Variants in FBXW11 observed in about 807,000 individuals in gnomAD.
The protein encoded by FBXW11 is F-box and WD repeat domain containing 11.
Under a neutral mutation model 77.6 loss-of-function variants are expected in FBXW11, and 19 were observed. The ratio of observed to expected loss-of-function variants is 0.24; its 90% CI spans 0.17 to 0.36. The LOEUF (loss-of-function observed/expected upper bound fraction) is 0.36, where lower values mean the gene tolerates loss of function less well. FBXW11 is among the 10% of genes least tolerant of loss of function. The pLI, the probability that FBXW11 is intolerant of heterozygous loss-of-function variation, is 1.00. For synonymous variants in FBXW11, 235 were observed against 249.4 expected, an observed-to-expected ratio of 0.94 and a Z score of 0.54; for missense variants, 334 against 704.2, an observed-to-expected ratio of 0.47 and a Z score of 5.95.
At chr5:172,000,361 G>A (rs1451067470) in intron 1 of FBXW11, among the ~76,000 whole-genome samples, 1 of 152,148 alleles carries the variant, frequency 6.6e-6, no homozygotes, top group Non-Finnish European at 1.5e-5. Context: ...AGGATACCAG[G>A]CATAAAAATA....
intron 2 of FBXW11, among the ~76,000 whole-genome samples, chr5:171,920,533 C>T (rs1317710905): frequency 2.0e-5 from 3 of 151,840 alleles, no homozygotes; most frequent in African/African-American, 7.3e-5. Context: ...TGAGACCATC[C>T]TGCACAACAC....
chr5:171,976,028 A>G (rs565945618), intron 1 of FBXW11, among the ~76,000 whole-genome samples: 10 of 152,246 alleles, frequency 6.6e-5, no homozygotes, highest in African/African-American at 2.4e-4. Flanking sequence ...CAACCTATTA[A>G]TCACTAAAAC....
chr5:171,953,300 A>C (rs1013720029), intron 2 of FBXW11, among the ~76,000 whole-genome samples: 13 of 152,190 alleles, frequency 8.5e-5, no homozygotes, highest in African/African-American at 3.1e-4. Flanking sequence ...TCAGCCAAAA[A>C]TGTAGGTTTT....
At position 171,961,949 on chromosome 5, in the gene FBXW11, A is replaced by G. The variant is rs544869338; in HGVS notation, c.46-4251T>C. Reference sequence around the variant, plus strand: ...GGCATGAGCCATGGCTCCTGGCCGTAAGTGATTCTTGAAGCTTCAAATTTT... The same window carrying G: ...GGCATGAGCCATGGCTCCTGGCCGTGAGTGATTCTTGAAGCTTCAAATTTT... On this transcript the variant is annotated intron_variant, in intron 1 of 13. Transcript: ENST00000517395. Among the ~76,000 whole-genome samples the G allele has an allele frequency of 2.0e-4, 30 of 152,204 alleles. No homozygotes were observed. The South Asian group carries it at 5.8e-3, about 29-fold the overall frequency.
intron 6 of FBXW11, among the ~76,000 whole-genome samples, chr5:171,897,645 AG>A (rs1163894210): frequency 6.6e-6 from 1 of 152,188 alleles, no homozygotes; most frequent in African/African-American, 2.4e-5. Flanking sequence ...GAGTTCTTCA[AG>A]GTTCCTGTTT....
At chr5:171,892,345 G>A (rs1196199932) in intron 6 of FBXW11, among the ~76,000 whole-genome samples, 1 of 152,108 alleles carries the variant, frequency 6.6e-6, no homozygotes, top group Non-Finnish European at 1.5e-5. Flanking sequence ...AAGGAAGGAA[G>A]TACTTATTAT....
intron 1 of FBXW11, among the ~76,000 whole-genome samples, chr5:171,964,018 G>A (rs1581036996): frequency 6.6e-6 from 1 of 152,184 alleles, no homozygotes; most frequent in East Asian, 1.9e-4. Context: ...TGATGAGACA[G>A]CTATTAAACT....
intron 1 of FBXW11, among the ~76,000 whole-genome samples, chr5:171,973,210 C>G (rs1764630697): frequency 6.6e-6 from 1 of 151,876 alleles, no homozygotes; most frequent in Non-Finnish European, 1.5e-5. Flanking sequence ...CAAAGAGGAA[C>G]AAAATATGTA....
chr5:171,931,798 TTC>T (rs888011475), intron 2 of FBXW11, among the ~76,000 whole-genome samples: 28 of 104,114 alleles, frequency 2.7e-4, no homozygotes, highest in East Asian at 2.2e-3. Flanking sequence ...CAGAAACAAT[TTC>T]TCTCTCTCTC....
intron 3 of FBXW11, among the ~76,000 whole-genome samples, chr5:171,914,037 T>C (rs889696909): frequency 3.9e-5 from 6 of 152,352 alleles, no homozygotes; most frequent in South Asian, 2.1e-4. Context: ...GTGTGTGGCA[T>C]GGTGCCATTC....
chr5:171,966,217 T>C (rs1440774563), intron 1 of FBXW11, among the ~76,000 whole-genome samples: 1 of 152,226 alleles, frequency 6.6e-6, no homozygotes, highest in African/African-American at 2.4e-5. Flanking sequence ...GGAATTAATT[T>C]TGAGTCCATC....
At chr5:171,929,230 G>GT (rs1250473193) in intron 2 of FBXW11, among the ~76,000 whole-genome samples, 1 of 152,012 alleles carries the variant, frequency 6.6e-6, no homozygotes, top group East Asian at 1.9e-4. Context: ...AAATGAGCCA[G>GT]TGTGGTGGCA....
At chr5:171,923,264 T>C (rs1405637948) in intron 2 of FBXW11, among the ~76,000 whole-genome samples, 1 of 152,216 alleles carries the variant, frequency 6.6e-6, no homozygotes, top group African/African-American at 2.4e-5. Context: ...CTTACTGATT[T>C]CTAGAAATTC....
At chr5:171,935,263 G>A (rs575854323) in intron 2 of FBXW11, among the ~76,000 whole-genome samples, 16 of 152,156 alleles carry the variant, frequency 1.1e-4, no homozygotes, top group Non-Finnish European at 1.6e-4. Flanking sequence ...AGCCGGTAGC[G>A]TGTTTCTTTT....
chr5:172,000,312 T>TC (rs1369196701), intron 1 of FBXW11, among the ~76,000 whole-genome samples: 2 of 152,162 alleles, frequency 1.3e-5, no homozygotes, highest in African/African-American at 4.8e-5. Context: ...ATCCCAATGC[T>TC]CAATGTCAAT....
At chr5:171,878,619 T>A (rs1422071452) in intron 7 of FBXW11, among the ~76,000 whole-genome samples, 51 of 150,088 alleles carry the variant, frequency 3.4e-4, no homozygotes, top group African/African-American at 1.2e-3. Context: ...TGTGTGTGTG[T>A]GTGTGTGTGT....
chr5:171,886,718 A>G (rs985568063), intron 7 of FBXW11, among the ~76,000 whole-genome samples: 3 of 152,302 alleles, frequency 2.0e-5, no homozygotes, highest in Admixed American at 2.0e-4. Flanking sequence ...TATATATAAA[A>G]ATAGAGTTCG....
chr5:171,925,980 A>T (rs1405086487), intron 2 of FBXW11, among the ~76,000 whole-genome samples: 1 of 152,204 alleles, frequency 6.6e-6, no homozygotes, highest in Non-Finnish European at 1.5e-5. Flanking sequence ...GTCACAATAT[A>T]TCTGTACAAT....
chr5:171,952,363 A>G lies in FBXW11; in HGVS notation c.147+5234T>C, dbSNP rs149802298. On this transcript the variant is annotated intron_variant, in intron 2 of 13. Transcript: ENST00000517395. ...AAGAGGAAAGATGTGGTTTTTTTTA[A>G]CCATATATACATACACATATATGTG... 3.0e-5 allele frequency among the ~76,000 whole-genome samples: 4 copies of G among 135,592 alleles called. No individual in the cohort carries two copies. The East Asian group carries it at 6.6e-4, about 22-fold the overall frequency. The allele number at this position is 135,592 out of a possible 152,430, so 89.0% of individuals were successfully genotyped here.
Sources: allele counts gnomAD v4.1 joint callset (sites outside exome capture counted in the v4.1 genomes callset), GRCh38; gene constraint gnomAD v4.1.1; transcripts MANE v1.5; gene names NCBI Gene and HGNC (gene_info 2026-07-23, HGNC 2026-07-21).